NUP153: variants seen among roughly 807,000 people sequenced by gnomAD.
NUP153 encodes nucleoporin 153.
Under a neutral mutation model 134.6 loss-of-function variants are expected in NUP153, and 27 were observed. The ratio of observed to expected loss-of-function variants is 0.20; its 90% CI spans 0.15 to 0.28. NUP153 has a LOEUF of 0.28. Ranked by LOEUF, NUP153 falls within the 10% of genes least tolerant of loss-of-function variation. The pLI is 1.00. For synonymous variants in NUP153, 640 were observed against 623.5 expected (o/e 1.03, Z -0.40); for missense variants, 1,821 against 1,731.3 (o/e 1.05, Z -0.92).
intron 2 of NUP153, among the ~76,000 whole-genome samples, chr6:17,682,974 CCTT>C (rs1449168573): frequency 2.6e-5 from 4 of 151,534 alleles, no homozygotes; most frequent in Non-Finnish European, 4.4e-5. Context: ...AGAAGCAACT[CCTT>C]ATCCATTCGA....
Position 17,675,343 on chromosome 6 carries a change from T to C in NUP153, c.609A>G (p.Ser203=), listed in dbSNP as rs1182705137. Residue 203 remains serine, a synonymous_variant, in exon 4 of 22, where the codon TCA becomes TCG. Coordinates refer to ENST00000262077, the MANE Select transcript of NUP153 (RefSeq NM_005124.4). The surrounding 1 kb of genome is among the most constrained non-coding windows in gnomAD (Gnocchi z 4.4). ...DKDITVSKNT[S]LPPLWSPEAE... is the part of the protein sequence containing the mutation. ...CTTCTGGGGACCACAGAGGTGGCAA[T>C]GAAGTGTTCTTTGAAACAGTTATAT... 1.9e-6 allele frequency: 3 copies of C among 1,613,956 alleles called. No individual in the cohort carries two copies. In the South Asian group the frequency reaches 3.3e-5, roughly 18 times the overall value.
intron 11 of NUP153, among the ~76,000 whole-genome samples, chr6:17,649,686 GAT>G (rs1766405231): frequency 6.6e-6 from 1 of 152,094 alleles, no homozygotes; most frequent in African/African-American, 2.4e-5. Flanking sequence ...TATACAATAA[GAT>G]ATTTTGAGAG....
At chr6:17,640,713 C>T (rs1341019095) in intron 14 of NUP153, among the ~76,000 whole-genome samples, 1 of 152,120 alleles carries the variant, frequency 6.6e-6, no homozygotes, top group African/African-American at 2.4e-5. Context: ...AACTCCTGGG[C>T]TTAAGCAATC....
rs1765686359 is a variant in NUP153, at chr6:17,638,699, C to T, written c.1847-929G>A. Among the ~76,000 whole-genome samples the T allele has an allele frequency of 6.6e-6, 1 of 152,122 alleles. No individual in the cohort carries two copies. The highest frequency in any genetic ancestry group is 1.5e-5 in the Non-Finnish European group (1 of 68,014). On this transcript the variant is annotated intron_variant, in intron 15 of 21. Transcript: ENST00000262077. The surrounding 1 kb of genome is among the most constrained non-coding windows in gnomAD (Gnocchi z 4.0). Reference sequence around the variant, plus strand: ...AATGAAGATTCTCCCCAAACATTTCCTATTTAAGAAGTAAAAAGGGAGCAG... The same window carrying T: ...AATGAAGATTCTCCCCAAACATTTCTTATTTAAGAAGTAAAAAGGGAGCAG...
chr6:17,624,381 C>A (rs978854163), intron 20 of NUP153, among the ~76,000 whole-genome samples, 180 bp downstream of exon 20: 19 of 152,186 alleles, frequency 1.2e-4, no homozygotes, highest in African/African-American at 4.6e-4. Flanking sequence ...AAAAAAGTTA[C>A]AAGTCTGTGA....
intron 18 of NUP153, among the ~76,000 whole-genome samples, chr6:17,627,066 A>G (rs1279758111): frequency 1.3e-5 from 2 of 152,204 alleles, no homozygotes; most frequent in African/African-American, 4.8e-5. Context: ...TTTTTTCTAA[A>G]CTATTCCAAT....
intron 8 of NUP153, among the ~76,000 whole-genome samples, chr6:17,666,282 C>T (rs930349677): frequency 4.6e-5 from 7 of 151,616 alleles, no homozygotes; most frequent in Non-Finnish European, 1.0e-4. Flanking sequence ...TGTGGGAGGC[C>T]GAAGCAGGTG....
intron 11 of NUP153, 123 bp from the exon 12 acceptor site, chr6:17,649,423 C>A: frequency 1.2e-6 from 1 of 806,472 alleles, no homozygotes; most frequent in Non-Finnish European, 1.8e-6. Context: ...ATTATGGGTT[C>A]TTCAATCAGA....
At chr6:17,627,448 G>A (rs954334908) in intron 18 of NUP153, among the ~76,000 whole-genome samples, 1 of 151,936 alleles carries the variant, frequency 6.6e-6, no homozygotes, top group African/African-American at 2.4e-5. Context: ...TGCATTTTTT[G>A]CACATCTAAA....
intron 1 of NUP153, among the ~76,000 whole-genome samples, chr6:17,692,939 T>C (rs1769373146): frequency 6.6e-6 from 1 of 152,058 alleles, no homozygotes; most frequent in African/African-American, 2.4e-5. Flanking sequence ...CTAGAAAAAA[T>C]ATACATGTGG....
In NUP153 at chr6:17,615,234, CA is replaced by C. The variant is rs1013571542; in HGVS notation, c.*862del. The C allele has an allele frequency of 6.6e-6, 1 of 152,332 alleles. No individual in the cohort carries two copies. The highest frequency in any genetic ancestry group is 1.5e-5 in the Non-Finnish European group (1 of 67,994). The allele number at this position is 152,332 out of a possible 1,614,324, so 9.4% of individuals were successfully genotyped here. On this transcript the variant is annotated 3_prime_UTR_variant, in exon 22 of 22. Transcript: ENST00000262077. The surrounding 1 kb of genome is among the most constrained non-coding windows in gnomAD (Gnocchi z 5.7). ...CCAAACAAAACTGGATCAGAAAAGC[CA>C]ATAAATTCAACTTTAAGAATCCCCA...
intron 11 of NUP153, among the ~76,000 whole-genome samples, chr6:17,657,764 G>C (rs372518303): frequency 6.7e-6 from 1 of 149,538 alleles, no homozygotes; most frequent in African/African-American, 2.4e-5. Context: ...TAAGCTCATG[G>C]TATATGAATC....
intron 11 of NUP153, among the ~76,000 whole-genome samples, chr6:17,661,035 C>A (rs1369639512): frequency 6.6e-6 from 1 of 152,064 alleles, no homozygotes; most frequent in Non-Finnish European, 1.5e-5. Flanking sequence ...AGAAGACAGG[C>A]AGGGCACGGT....
At position 17,625,071 on chromosome 6, in the gene NUP153, C is replaced by T. The variant is rs1253846310; in HGVS notation, c.3902-238G>A. 6.6e-6 allele frequency among the ~76,000 whole-genome samples: 1 copy of T among 152,186 alleles called. No individual in the cohort carries two copies. The highest frequency in any genetic ancestry group is 2.4e-5 in the African/African-American group (1 of 41,442). On this transcript the variant is annotated intron_variant, in intron 19 of 21. Coordinates refer to ENST00000262077, the MANE Select transcript of NUP153 (RefSeq NM_005124.4). This position sits in a 1 kb window ranked among gnomAD's most constrained non-coding sequence, Gnocchi z 4.7. Reference sequence around the variant, plus strand: ...ACTGCAATTAACAACTACTCCACACCTTTACAGCCGACAATTTCTGGTAAA... The same window carrying T: ...ACTGCAATTAACAACTACTCCACACTTTTACAGCCGACAATTTCTGGTAAA...
At chr6:17,630,343 C>A (rs914021967) in intron 17 of NUP153, among the ~76,000 whole-genome samples, 3 of 152,148 alleles carry the variant, frequency 2.0e-5, no homozygotes, top group Non-Finnish European at 2.9e-5. Flanking sequence ...AGAAGAATTA[C>A]AGAGTTGAAG....
At chr6:17,702,276 G>A (rs1770163092) in intron 1 of NUP153, among the ~76,000 whole-genome samples, 1 of 152,164 alleles carries the variant, frequency 6.6e-6, no homozygotes, top group African/African-American at 2.4e-5. Context: ...GGGAGGCCGA[G>A]GCGGGTGGAT....
intron 20 of NUP153, among the ~76,000 whole-genome samples, chr6:17,618,833 TG>T (rs1764487315): frequency 6.6e-6 from 1 of 152,240 alleles, no homozygotes; most frequent in South Asian, 2.1e-4. Flanking sequence ...CCCAAAGTGC[TG>T]GGATTACAGG....
chr6:17,669,739 C>T (rs1025367869), intron 5 of NUP153, among the ~76,000 whole-genome samples, 193 bp from the exon 6 acceptor site: 1 of 152,100 alleles, frequency 6.6e-6, no homozygotes, highest in Non-Finnish European at 1.5e-5. Flanking sequence ...AAATCCAATT[C>T]TCTGATTGAG....
intron 20 of NUP153, among the ~76,000 whole-genome samples, chr6:17,621,719 G>C (rs982203784): frequency 3.3e-5 from 5 of 152,160 alleles, no homozygotes; most frequent in Non-Finnish European, 5.9e-5. Flanking sequence ...AGGAAGGGAA[G>C]GTGGTTAACG....
Sources: gnomAD v4.1 joint callset for allele counts (sites outside exome capture counted in the v4.1 genomes callset) on GRCh38, gnomAD v4.1.1 for gene constraint, Gnocchi (gnomAD v3.1) non-coding constraint, MANE v1.5 for transcripts, NCBI Gene and HGNC (gene_info 2026-07-23, HGNC 2026-07-21) for gene names.